DAPK1: variants seen among roughly 807,000 people sequenced by gnomAD.
The protein encoded by DAPK1 is death associated protein kinase 1.
In DAPK1, 56 loss-of-function variants were observed where a neutral mutation model predicts 144.9. The ratio of observed to expected loss-of-function variants is 0.39; its 90% CI spans 0.31 to 0.48. The LOEUF (loss-of-function observed/expected upper bound fraction) is 0.48. Ranked by LOEUF, DAPK1 falls within the 20% of genes least tolerant of loss-of-function variation. The pLI is 0.95. For missense variants in DAPK1, 1,454 were observed against 1,875.4 expected (o/e 0.78, Z 4.15); for synonymous variants, 690 against 749.0 (o/e 0.92, Z 1.29).
chr9:87,589,950 A>G (rs1828066372), intron 2 of DAPK1, among the ~76,000 whole-genome samples: 1 of 152,346 alleles, frequency 6.6e-6, no homozygotes, highest in East Asian at 1.9e-4. Context: ...CGGTGACATC[A>G]AAACACTTTT....
chr9:87,564,583 G>A (rs1194584404), intron 2 of DAPK1, among the ~76,000 whole-genome samples: 1 of 151,420 alleles, frequency 6.6e-6, no homozygotes, highest in Non-Finnish European at 1.5e-5. Flanking sequence ...GGATGGGGAG[G>A]GAGGGAGGGG....
In DAPK1 at chr9:87,605,058, T is replaced by G; in HGVS notation, c.167T>G (p.Val56Gly). Reference sequence around the variant, plus strand: ...AGGACTAAGTCCAGCCGGCGGGGTGTGAGCCGCGAGGACATCGAGCGGGAG... The same window carrying G: ...AGGACTAAGTCCAGCCGGCGGGGTGGGAGCCGCGAGGACATCGAGCGGGAG... The part of the protein sequence containing the change: ...KRRTKSSRRG[V>G]SREDIEREVS... Residue 56 changes from valine to glycine, a missense_variant, in exon 3 of 26, where the codon GTG (valine) becomes GGG (glycine). Transcript: ENST00000408954. 1 of 1,614,182 alleles carries G rather than the reference T, an allele frequency of 6.2e-7. No individual in the cohort carries two copies. Among genetic ancestry groups the G allele is most frequent in the Non-Finnish European group, 8.5e-7 (1 of 1,180,032 alleles).
chr9:87,686,585 C>T lies in DAPK1; in HGVS notation c.2259C>T (p.Cys753=), dbSNP rs1824864657. The T allele has an allele frequency of 2.5e-6, 4 of 1,588,438 alleles. No individual in the cohort carries two copies. The highest frequency in any genetic ancestry group is 1.3e-5 in the African/African-American group (1 of 74,572). Residue 753 remains cysteine, a synonymous_variant, in exon 21 of 26, where the codon TGC becomes TGT. Coordinates refer to ENST00000408954, the MANE Select transcript of DAPK1 (RefSeq NM_004938.4). This position sits in a 1 kb window ranked among gnomAD's most constrained non-coding sequence, Gnocchi z 4.2. ...SVSINNLYPG[C]ENVSVRSRSM... ...GCATCAACAACCTGTACCCAGGCTG[C>T]GAGAACGTGAGTGTGAGGAGCCGCA... is the stretch of plus-strand genomic sequence containing the variant.
intron 2 of DAPK1, among the ~76,000 whole-genome samples, chr9:87,519,694 A>G (rs1406407761): frequency 2.6e-5 from 4 of 152,150 alleles, no homozygotes; most frequent in Non-Finnish European, 5.9e-5. Context: ...GCATCCTCCA[A>G]GCAATGAGGT....
chr9:87,526,648 T>C (rs1825520273), intron 2 of DAPK1, among the ~76,000 whole-genome samples: 1 of 152,178 alleles, frequency 6.6e-6, no homozygotes, highest in Non-Finnish European at 1.5e-5. Context: ...TAACCAGGTA[T>C]ATTTGGTATT....
chr9:87,589,861 A>G (rs1828063630), intron 2 of DAPK1, among the ~76,000 whole-genome samples: 1 of 152,130 alleles, frequency 6.6e-6, no homozygotes, highest in Non-Finnish European at 1.5e-5. Flanking sequence ...AGGAGCCTGC[A>G]CTCCACTCAC....
intron 2 of DAPK1, among the ~76,000 whole-genome samples, chr9:87,565,617 G>C (rs1165910606): frequency 6.6e-6 from 1 of 152,172 alleles, no homozygotes; most frequent in Non-Finnish European, 1.5e-5. Context: ...TTTCTGCCTA[G>C]AAGAGAAGTA....
intron 2 of DAPK1, among the ~76,000 whole-genome samples, chr9:87,550,209 A>G (rs1826424936): frequency 6.6e-6 from 1 of 152,208 alleles, no homozygotes; most frequent in African/African-American, 2.4e-5. Context: ...TCCAAAGGAA[A>G]CCAGTGTTCT....
intron 21 of DAPK1, among the ~76,000 whole-genome samples, chr9:87,688,411 T>C (rs892513294): frequency 5.3e-5 from 8 of 152,342 alleles, no homozygotes; most frequent in African/African-American, 1.2e-4. Context: ...TACTAGTGCA[T>C]GTGTCTTTTT....
intron 2 of DAPK1, among the ~76,000 whole-genome samples, chr9:87,553,125 T>G (rs1197996008): frequency 1.3e-5 from 2 of 152,156 alleles, no homozygotes; most frequent in African/African-American, 2.4e-5. Context: ...AGAAGACACA[T>G]TGTTCTGGTC....
At chr9:87,585,103 A>G (rs1827903082) in intron 2 of DAPK1, among the ~76,000 whole-genome samples, 1 of 152,238 alleles carries the variant, frequency 6.6e-6, no homozygotes, top group Admixed American at 6.5e-5. Context: ...TCAGATGTAT[A>G]GTTTCAAAAC....
chr9:87,676,245 A>G (rs1824373463), intron 19 of DAPK1, among the ~76,000 whole-genome samples: 1 of 152,210 alleles, frequency 6.6e-6, no homozygotes. Flanking sequence ...AACTTGTGTT[A>G]AACACACACT....
chr9:87,560,437 C>T (rs551829523), intron 2 of DAPK1, among the ~76,000 whole-genome samples: 2 of 152,250 alleles, frequency 1.3e-5, no homozygotes, highest in African/African-American at 4.8e-5. Flanking sequence ...TGACACTTCC[C>T]CAGAACTTTC....
At chr9:87,566,106 C>T (rs562522830) in intron 2 of DAPK1, among the ~76,000 whole-genome samples, 167 of 151,476 alleles carry the variant, frequency 1.1e-3, no homozygotes, top group African/African-American at 3.8e-3. Flanking sequence ...CTGCAAGCTC[C>T]GCCTCCCAGG....
intron 2 of DAPK1, among the ~76,000 whole-genome samples, chr9:87,531,564 T>C (rs1043846668): frequency 3.3e-5 from 5 of 152,120 alleles, no homozygotes; most frequent in Non-Finnish European, 7.4e-5. Flanking sequence ...TGCTGCAATA[T>C]TGACCTGAGG....
intron 19 of DAPK1, among the ~76,000 whole-genome samples, chr9:87,674,795 T>C (rs1824303546): frequency 6.6e-6 from 1 of 152,214 alleles, no homozygotes; most frequent in Admixed American, 6.5e-5. Context: ...AGCTTGCTAA[T>C]GTTTAGTCTT....
intron 3 of DAPK1, chr9:87,632,126 A>G (rs1829713287): frequency 1.5e-5 from 10 of 683,474 alleles, no homozygotes; most frequent in Non-Finnish European, 1.8e-5. Flanking sequence ...GTGTGTGTAT[A>G]TATATATAAA....
chr9:87,684,932 A>G (rs1158840915), intron 20 of DAPK1, among the ~76,000 whole-genome samples: 6 of 152,256 alleles, frequency 3.9e-5, no homozygotes, highest in East Asian at 1.9e-4. Flanking sequence ...CCATTTACCA[A>G]CGTCTGCTCT....
intron 2 of DAPK1, among the ~76,000 whole-genome samples, chr9:87,582,808 C>T (rs746373293): frequency 1.3e-5 from 2 of 152,110 alleles, no homozygotes; most frequent in Non-Finnish European, 2.9e-5. Context: ...CCACCTCGGC[C>T]TCCCAAAGTG....
Sources: allele counts gnomAD v4.1 joint callset (sites outside exome capture counted in the v4.1 genomes callset), GRCh38; gene constraint gnomAD v4.1.1; non-coding constraint Gnocchi (gnomAD v3.1); transcripts MANE v1.5; gene names NCBI Gene and HGNC (gene_info 2026-07-23, HGNC 2026-07-21).